PHACTR1: variants seen among roughly 807,000 people sequenced by gnomAD.
PHACTR1 encodes phosphatase and actin regulator 1.
PHACTR1 carries 16 observed loss-of-function variants against 69.2 expected under a neutral mutation model. That is an observed-to-expected ratio of 0.23 (90% CI 0.16 to 0.35). PHACTR1 has a LOEUF of 0.35. Among genes scored for constraint, PHACTR1 ranks in the 10% least tolerant of loss-of-function variants. The pLI, the probability that PHACTR1 is intolerant of heterozygous loss-of-function variation, is 1.00. For synonymous variants in PHACTR1, 312 were observed against 284.5 expected (o/e 1.10, Z -0.97); for missense variants, 510 against 734.7 (o/e 0.69, Z 3.54).
intron 4 of PHACTR1, among the ~76,000 whole-genome samples, chr6:12,906,377 CA>C (rs1182116033): frequency 1.3e-5 from 2 of 152,136 alleles, no homozygotes; most frequent in African/African-American, 4.8e-5. Context: ...TTTCTCCCTC[CA>C]AAAACCTCAT....
rs34841058 is a variant in PHACTR1, at chr6:12,754,128, A to ATTTT, written c.250+4353_250+4356dup. 1.2e-3 allele frequency among the ~76,000 whole-genome samples: 131 copies of ATTTT among 112,386 alleles called. 2 individuals carry two copies. The highest frequency in any genetic ancestry group is 3.8e-3 in the African/African-American group (110 of 29,240). 73.7% of individuals were successfully genotyped at this position (112,386 alleles called of 152,430 possible). On this transcript the variant is annotated intron_variant, in intron 4 of 14. Transcript: ENST00000332995. ...CAGGCACCTGCCACCACGCCTGGCT[A>ATTTT]TTTTTTTTTTTTTTTTTTGTATTTT... is the stretch of plus-strand genomic sequence containing the variant.
At chr6:12,983,017 C>T (rs1487098263) in intron 4 of PHACTR1, among the ~76,000 whole-genome samples, 1 of 152,154 alleles carries the variant, frequency 6.6e-6, no homozygotes, top group East Asian at 1.9e-4. Context: ...AGAAAGTGCT[C>T]CTGCATACCA....
At chr6:12,769,793 T>A (rs1769144228) in intron 4 of PHACTR1, among the ~76,000 whole-genome samples, 1 of 152,200 alleles carries the variant, frequency 6.6e-6, no homozygotes, top group Non-Finnish European at 1.5e-5. Flanking sequence ...TGTGAGGCGA[T>A]GTTTTTGCAT....
At chr6:13,065,294 GC>G (rs1215784084) in intron 5 of PHACTR1, among the ~76,000 whole-genome samples, 1 of 152,096 alleles carries the variant, frequency 6.6e-6, no homozygotes, top group Admixed American at 6.6e-5. Context: ...AGGGCCACCA[GC>G]CTGTGAGTTC....
chr6:13,160,921 A>G (rs1412383833), intron 6 of PHACTR1, among the ~76,000 whole-genome samples: 1 of 152,220 alleles, frequency 6.6e-6, no homozygotes. Context: ...GCAGTGAACT[A>G]CATGGCATAT....
At chr6:12,898,523 A>T (rs188032430) in intron 4 of PHACTR1, among the ~76,000 whole-genome samples, 1 of 152,348 alleles carries the variant, frequency 6.6e-6, no homozygotes, top group African/African-American at 2.4e-5. Context: ...CTTCATGACC[A>T]AATGGCCAAC....
intron 10 of PHACTR1, 188 bp from the exon 11 acceptor site, chr6:13,272,672 G>C (rs545449299): frequency 1.0e-5 from 15 of 1,497,420 alleles, no homozygotes; most frequent in South Asian, 1.3e-5. Context: ...CATGACGCAC[G>C]TGCCTCTCCT....
intron 4 of PHACTR1, among the ~76,000 whole-genome samples, chr6:13,013,391 C>T (rs1046489342): frequency 2.0e-5 from 3 of 152,190 alleles, no homozygotes; most frequent in Non-Finnish European, 4.4e-5. Flanking sequence ...TTGCTGTGGC[C>T]CTGGAGGGGA....
intron 4 of PHACTR1, among the ~76,000 whole-genome samples, chr6:12,870,406 A>C (rs1271339745): frequency 1.3e-5 from 2 of 152,198 alleles, no homozygotes; most frequent in African/African-American, 4.8e-5. Context: ...GTATGATTAC[A>C]TGTTTCATCA....
intron 3 of PHACTR1, among the ~76,000 whole-genome samples, chr6:12,737,330 A>ATCCATCAT (rs1764399562): frequency 6.6e-6 from 1 of 152,056 alleles, no homozygotes; most frequent in Non-Finnish European, 1.5e-5. Context: ...TGTATATGTG[A>ATCCATCAT]TCCATCATTG....
At chr6:13,018,168 AGAGAATGCCCTGT>A (rs1800451330) in intron 4 of PHACTR1, among the ~76,000 whole-genome samples, 1 of 152,174 alleles carries the variant, frequency 6.6e-6, no homozygotes, top group Non-Finnish European at 1.5e-5. Context: ...GCCTTTTAGG[AGAGAATGCCCTGT>A]GAGTTCCTGT....
intron 4 of PHACTR1, among the ~76,000 whole-genome samples, chr6:12,860,755 G>C (rs6927781): frequency 0.072 from 10,915 of 152,208 alleles, 438 homozygotes; most frequent in Middle Eastern, 0.11. Flanking sequence ...CAGTGATGAT[G>C]AGCTCTTTTT....
chr6:12,877,133 G>A (rs1355848037), intron 4 of PHACTR1, among the ~76,000 whole-genome samples: 1 of 152,138 alleles, frequency 6.6e-6, no homozygotes, highest in Non-Finnish European at 1.5e-5. Context: ...ATGTAGAAAC[G>A]GTGTTTACTC....
chr6:13,048,656 T>C (rs771051661), intron 4 of PHACTR1, among the ~76,000 whole-genome samples: 2 of 152,090 alleles, frequency 1.3e-5, no homozygotes, highest in Non-Finnish European at 2.9e-5. Context: ...TGCCTCAGCC[T>C]CAGTAGCTGG....
chr6:13,242,598 T>C (rs1364226495), intron 10 of PHACTR1, among the ~76,000 whole-genome samples: 1 of 152,174 alleles, frequency 6.6e-6, no homozygotes, highest in Non-Finnish European at 1.5e-5. Flanking sequence ...TCAATGAATT[T>C]GCACCTAAGG....
intron 4 of PHACTR1, among the ~76,000 whole-genome samples, chr6:12,863,078 T>G (rs1582153319): frequency 6.6e-6 from 1 of 152,258 alleles, no homozygotes; most frequent in African/African-American, 2.4e-5. Flanking sequence ...CTTTATGAAC[T>G]CTACAGCTGT....
At chr6:12,999,198 C>G (rs1209888587) in intron 4 of PHACTR1, among the ~76,000 whole-genome samples, 1 of 152,190 alleles carries the variant, frequency 6.6e-6, no homozygotes, top group Non-Finnish European at 1.5e-5. Context: ...AACTAAATAA[C>G]CCTCTGTAAG....
At chr6:12,716,975 T>TG (rs1761450191) in intron 1 of PHACTR1, 79 bp downstream of exon 1, 2 of 82,372 alleles carry the variant, frequency 2.4e-5, no homozygotes, top group Admixed American at 1.6e-4. Flanking sequence ...ATGGGGGTTG[T>TG]GGGGGGAGTG....
rs373932808 is a variant in PHACTR1, at chr6:13,268,845, CTCAGTCGCTT to C, written c.1392-4012_1392-4003del. Among the ~76,000 whole-genome samples the C allele has an allele frequency of 1.2e-4, 19 of 152,336 alleles. No homozygotes were observed. In the East Asian group the frequency reaches 3.5e-3, roughly 28 times the overall value. On this transcript the variant is annotated intron_variant, in intron 10 of 14. Coordinates refer to ENST00000332995, the MANE Select transcript of PHACTR1 (RefSeq NM_030948.6). Reference sequence around the variant, plus strand: ...TATAGCTATGATTAGTCTTGATGTTCTCAGTCGCTTTCCAGAGAAATGAAACACAAACAGA... The same window carrying C: ...TATAGCTATGATTAGTCTTGATGTTCTCCAGAGAAATGAAACACAAACAGA...
Sources: allele counts gnomAD v4.1 joint callset (sites outside exome capture counted in the v4.1 genomes callset), GRCh38; gene constraint gnomAD v4.1.1; transcripts MANE v1.5; gene names NCBI Gene and HGNC (gene_info 2026-07-23, HGNC 2026-07-21).